The following CIDEA variants were observed in gnomAD, a reference collection of about 807,000 sequenced individuals.
CIDEA encodes cell death inducing DFFA like effector a.
Under a neutral mutation model 18.2 loss-of-function variants are expected in CIDEA, and 10 were observed. The ratio of observed to expected loss-of-function variants is 0.55; its 90% confidence interval spans 0.34 to 0.93. The LOEUF is 0.93. Among genes scored for constraint, CIDEA ranks in the 40% least tolerant of loss-of-function variants. The pLI is 0.02. For synonymous variants in CIDEA, 128 were observed against 124.8 expected (o/e 1.03, Z -0.17); for missense variants, 309 against 293.1 (o/e 1.05, Z -0.40).
At position 12,277,296 on chromosome 18, in the gene CIDEA, A is replaced by G; in HGVS notation, c.*26A>G. On this transcript the variant is annotated 3_prime_UTR_variant, in exon 5 of 5. Transcript: ENST00000320477. ...GGATGCAGGCTGTCGCCGGCTCTTGAGCCAAACACTGTGTTTCGTTTGGCT... is the reference window on the plus strand; with the variant it reads ...GGATGCAGGCTGTCGCCGGCTCTTGGGCCAAACACTGTGTTTCGTTTGGCT... The G allele has an allele frequency of 6.2e-7, 1 of 1,613,428 alleles. No individual in the cohort carries two copies. The highest frequency in any genetic ancestry group is 8.5e-7 in the Non-Finnish European group (1 of 1,179,684).
At chr18:12,259,642 A>G (rs1912133930) in intron 1 of CIDEA, among the ~76,000 whole-genome samples, 1 of 152,238 alleles carries the variant, frequency 6.6e-6, no homozygotes, top group Admixed American at 6.5e-5. Context: ...TGGGCAGATC[A>G]CGAGGTCAGG....
chr18:12,261,096 A>G (rs1414914303), intron 1 of CIDEA, among the ~76,000 whole-genome samples: 1 of 152,212 alleles, frequency 6.6e-6, no homozygotes, highest in East Asian at 1.9e-4. Context: ...GAATGTAAAA[A>G]AGTCGGCCAA....
At chr18:12,276,005 C>T (rs7506137) in intron 4 of CIDEA, among the ~76,000 whole-genome samples, 135,513 of 139,774 alleles carry the variant, frequency 0.97, 65,880 homozygotes, top group Middle Eastern at 1. Context: ...TATTTTTTTT[C>T]TTTTTTGAGA....
rs1469548548 is a variant in CIDEA, at chr18:12,275,997, T to TC, written c.513-1126_513-1125insC. 1.4e-4 allele frequency among the ~76,000 whole-genome samples: 17 copies of TC among 123,556 alleles called. 1 individual carries two copies. Among genetic ancestry groups the TC allele is most frequent in the South Asian group, 7.9e-4 (3 of 3,784 alleles). 81.1% of individuals were successfully genotyped at this position (123,556 alleles called of 152,430 possible). A position where few individuals can be genotyped will look rare whatever the true frequency, so the allele number is the denominator to read the frequency against. ...AATCTTTTTTCTTTTTCTTTTCTTATTTTTTTTCTTTTTTGAGACGGAATC... is the reference window on the plus strand; with the variant it reads ...AATCTTTTTTCTTTTTCTTTTCTTATCTTTTTTTCTTTTTTGAGACGGAATC... On this transcript the variant is annotated intron_variant, in intron 4 of 4. Coordinates refer to ENST00000320477, the MANE Select transcript of CIDEA (RefSeq NM_001279.4).
chr18:12,270,883 CT>C (rs1426252769), intron 3 of CIDEA, among the ~76,000 whole-genome samples: 70 of 108,818 alleles, frequency 6.4e-4, no homozygotes, highest in East Asian at 8.0e-4. Flanking sequence ...TTTTCTTTTT[CT>C]TTTTCTTTTC....
chr18:12,258,728 C>A (rs1275956815), intron 1 of CIDEA, among the ~76,000 whole-genome samples: 1 of 152,260 alleles, frequency 6.6e-6, no homozygotes, highest in Non-Finnish European at 1.5e-5. Flanking sequence ...TCGCCTCCTG[C>A]TTTCCCCAGG....
intron 3 of CIDEA, among the ~76,000 whole-genome samples, chr18:12,273,033 T>A (rs7243090): frequency 0.32 from 48,071 of 151,830 alleles, 8,223 homozygotes; most frequent in East Asian, 0.52. Flanking sequence ...GAGCTTTTAG[T>A]TGACAGATTC....
intron 4 of CIDEA, among the ~76,000 whole-genome samples, chr18:12,274,926 C>A (rs1912663348): frequency 6.6e-6 from 1 of 152,222 alleles, no homozygotes; most frequent in Admixed American, 6.5e-5. Context: ...TGCCATTGAG[C>A]CTGGGACTGA....
chr18:12,277,104 C>G lies in CIDEA; in HGVS notation c.513-19C>G. On this transcript the variant is annotated intron_variant, in intron 4 of 4. Coordinates refer to ENST00000320477, the MANE Select transcript of CIDEA (RefSeq NM_001279.4). ...CCCAAAATCCCAAGCTAAAGCCTCC[C>G]CATCTGCCTCTGCCACAGGAGTCTG... is the stretch of plus-strand genomic sequence containing the variant. 6.2e-7 allele frequency: 1 copy of G among 1,612,996 alleles called. No homozygotes were observed. The highest frequency in any genetic ancestry group is 8.5e-7 in the Non-Finnish European group (1 of 1,179,220).
chr18:12,254,565 C>T, intron 1 of CIDEA, 144 bp downstream of exon 1: 1 of 1,529,144 alleles, frequency 6.5e-7, no homozygotes, highest in Non-Finnish European at 8.8e-7. Context: ...TCCGCGACCC[C>T]GCGCACACAC....
intron 3 of CIDEA, among the ~76,000 whole-genome samples, chr18:12,272,759 C>CTT (rs34247446): frequency 2.6e-4 from 39 of 150,048 alleles, no homozygotes; most frequent in South Asian, 1.1e-3. Flanking sequence ...CTTTTTCCTT[C>CTT]TTTTTTTTTT....
In CIDEA at chr18:12,277,309, G is replaced by C; in HGVS notation, c.*39G>C. Reference sequence around the variant, plus strand: ...CGCCGGCTCTTGAGCCAAACACTGTGTTTCGTTTGGCTCAATGACGAATGT... The same window carrying C: ...CGCCGGCTCTTGAGCCAAACACTGTCTTTCGTTTGGCTCAATGACGAATGT... On this transcript the variant is annotated 3_prime_UTR_variant, in exon 5 of 5. Transcript: ENST00000320477. 1 of 1,609,918 alleles carries C rather than the reference G, an allele frequency of 6.2e-7. No individual in the cohort carries two copies. Among genetic ancestry groups the C allele is most frequent in the Non-Finnish European group, 8.5e-7 (1 of 1,177,038 alleles).
At chr18:12,276,875 G>A (rs1234330457) in intron 4 of CIDEA, among the ~76,000 whole-genome samples, 11 of 150,900 alleles carry the variant, frequency 7.3e-5, no homozygotes, top group Non-Finnish European at 1.3e-4. Context: ...GGTGGTCTTG[G>A]GCCAGCAGCA....
At chr18:12,263,187 C>T (rs73947527) in intron 2 of CIDEA, among the ~76,000 whole-genome samples, 1,857 of 152,284 alleles carry the variant, frequency 0.012, 42 homozygotes, top group African/African-American at 0.043. Context: ...CCATGTGGCC[C>T]AGGCTGGCCT....
intron 4 of CIDEA, among the ~76,000 whole-genome samples, chr18:12,275,051 G>T (rs548322308): frequency 6.6e-6 from 1 of 152,190 alleles, no homozygotes; most frequent in African/African-American, 2.4e-5. Context: ...GGTCAGGCAT[G>T]GTGGCTCACA....
intron 4 of CIDEA, among the ~76,000 whole-genome samples, chr18:12,275,405 A>T (rs781431220): frequency 3.9e-5 from 6 of 152,236 alleles, no homozygotes; most frequent in Non-Finnish European, 7.3e-5. Context: ...CAAGCTCTTT[A>T]TGATTGCCAG....
At chr18:12,275,756 T>G (rs1403210249) in intron 4 of CIDEA, among the ~76,000 whole-genome samples, 1 of 152,172 alleles carries the variant, frequency 6.6e-6, no homozygotes, top group Non-Finnish European at 1.5e-5. Flanking sequence ...AGTTTCCCAT[T>G]CAGAGCCATC....
At chr18:12,262,750 A>G in intron 1 of CIDEA, 75 bp from the exon 2 acceptor site, 3 of 1,365,786 alleles carry the variant, frequency 2.2e-6, no homozygotes, top group Admixed American at 1.9e-5. Context: ...TTAAAAATGC[A>G]TTATTTTTAT....
At chr18:12,275,130 C>T (rs1912670115) in intron 4 of CIDEA, among the ~76,000 whole-genome samples, 1 of 152,218 alleles carries the variant, frequency 6.6e-6, no homozygotes, top group South Asian at 2.1e-4. Context: ...CGAGACCAGC[C>T]TAGCCAACAT....
Sources: allele counts gnomAD v4.1 joint callset (sites outside exome capture counted in the v4.1 genomes callset), GRCh38; gene constraint gnomAD v4.1.1; transcripts MANE v1.5; gene names NCBI Gene and HGNC (gene_info 2026-07-23, HGNC 2026-07-21).